The following CAND2 variants were observed in gnomAD, a reference collection of about 807,000 sequenced individuals.
The protein encoded by CAND2 is cullin-associated NEDD8-dissociated protein 2.
Under a neutral mutation model 98.9 loss-of-function variants are expected in CAND2, and 62 were observed. The observed-to-expected ratio is 0.63, with a 90% confidence interval of 0.51 to 0.77. The LOEUF is 0.77. Among genes scored for constraint, CAND2 ranks in the 30% least tolerant of loss-of-function variants. The probability of loss-of-function intolerance (pLI) is 0.00; values close to 1 mark genes in which losing one functional copy is unlikely to be tolerated. For missense variants in CAND2, 1,501 were observed against 1,655.2 expected (o/e 0.91, Z 1.62); for synonymous variants, 770 against 731.9 (o/e 1.05, Z -0.84).
rs945348474 is a variant in CAND2, at chr3:12,812,924, G to A, written c.758-66G>A. 7.3e-6 allele frequency: 7 copies of A among 961,660 alleles called. No individual in the cohort carries two copies. The African/African-American group carries it at 9.7e-5, about 13-fold the overall frequency. The allele number at this position is 961,660 out of a possible 1,614,324, so 59.6% of individuals were successfully genotyped here. On this transcript the variant is annotated intron_variant, in intron 5 of 14. Transcript: ENST00000456430. Reference sequence around the variant, plus strand: ...CTGCAGGTGCATAGACAGTCTGAGTGCTGTGGGCTGGGGGAACTCCGGGAG... The same window carrying A: ...CTGCAGGTGCATAGACAGTCTGAGTACTGTGGGCTGGGGGAACTCCGGGAG...
chr3:12,810,149 G>C lies in CAND2; in HGVS notation c.582G>C (p.Arg194=). Residue 194 remains arginine, a synonymous_variant, in exon 5 of 15, where the codon CGG becomes CGC. Coordinates refer to ENST00000456430, the MANE Select transcript of CAND2 (RefSeq NM_001162499.2). The stretch of plus-strand genomic sequence containing the variant: ...GCCCGCGCCTGGCGGTGCGCAAGCG[G>C]GCGGTCGGAGCGCTTGGCCACCTGG... ...LSSPRLAVRK[R]AVGALGHLAA... The C allele has an allele frequency of 6.6e-7, 1 of 1,524,634 alleles. No individual in the cohort carries two copies. The highest frequency in any genetic ancestry group is 1.2e-5 in the South Asian group (1 of 82,346). 94.4% of individuals were successfully genotyped at this position (1,524,634 alleles called of 1,614,324 possible).
intron 13 of CAND2, among the ~76,000 whole-genome samples, chr3:12,830,350 G>C (rs1314534796): frequency 6.6e-6 from 1 of 152,200 alleles, no homozygotes; most frequent in Non-Finnish European, 1.5e-5. Flanking sequence ...CCACCACAGG[G>C]TTCCGGGAGG....
At chr3:12,831,606 G>A (rs994634554) in intron 14 of CAND2, 34 bp downstream of exon 14, 1 of 1,501,700 alleles carries the variant, frequency 6.7e-7, no homozygotes, top group African/African-American at 1.4e-5. Flanking sequence ...CCCAGGCCCT[G>A]GAGCACCTAT....
chr3:12,816,466 G>A lies in CAND2; in HGVS notation c.1534G>A (p.Ala512Thr). Residue 512 changes from alanine (A) to threonine (T), a missense_variant, in exon 10 of 15, where the codon GCT becomes ACT. By Grantham distance (58) the Ala-to-Thr change is moderately conservative. Transcript: ENST00000456430. ...GCAGGGGCTGCTGGGCACCGAACCA[G>A]CTGAGGCCTTCCACCCACACTTGCC... ...FLQGLLGTEP[A>T]EAFHPHLPIL... The A allele has an allele frequency of 6.2e-7, 1 of 1,613,972 alleles. No homozygotes were observed. The highest frequency in any genetic ancestry group is 8.5e-7 in the Non-Finnish European group (1 of 1,179,976).
intron 11 of CAND2, among the ~76,000 whole-genome samples, chr3:12,823,065 C>A (rs2061969702): frequency 6.6e-6 from 1 of 152,094 alleles, no homozygotes. Context: ...AGTAAGAAAC[C>A]CAGCTCCCAT....
At chr3:12,801,255 C>G (rs897113910) in intron 1 of CAND2, among the ~76,000 whole-genome samples, 3 of 152,062 alleles carry the variant, frequency 2.0e-5, no homozygotes, top group Admixed American at 6.6e-5. Context: ...CCAGGCTGAT[C>G]TAGAACTTTT....
intron 12 of CAND2, among the ~76,000 whole-genome samples, 191 bp downstream of exon 12, chr3:12,825,830 C>T (rs1023088054): frequency 3.9e-5 from 6 of 152,218 alleles, no homozygotes; most frequent in African/African-American, 1.4e-4. Context: ...AGTTTCTCCT[C>T]GTGAGCACAT....
chr3:12,808,848 C>T (rs2061828137), intron 4 of CAND2, among the ~76,000 whole-genome samples: 1 of 152,102 alleles, frequency 6.6e-6, no homozygotes, highest in South Asian at 2.1e-4. Flanking sequence ...GTCCAGAAGG[C>T]AGAGACAGGG....
Position 12,827,575 on chromosome 3 carries a change from G to A in CAND2, c.3346G>A (p.Asp1116Asn), listed in dbSNP as rs1277434914. 2 of 1,613,322 alleles carry A rather than the reference G, an allele frequency of 1.2e-6. No homozygotes were observed. The highest frequency in any genetic ancestry group is 2.7e-5 in the African/African-American group (2 of 74,888). The change falls in exon 13 of 15, where the codon GAC becomes AAC. Residue 1116 changes from aspartate to asparagine, a missense_variant. This residue lies in a region of CAND2 where 1,427 missense variants were observed against 1,545.3 expected (regional missense o/e 0.92). Coordinates refer to ENST00000456430, the MANE Select transcript of CAND2 (RefSeq NM_001162499.2). ...DICEFLNHVE[D>N]GLKDHYDIRM... ...CTGTGAGTTCCTGAACCATGTGGAG[G>A]ACGGGCTGAAGGACCACTACGACAT... is the stretch of plus-strand genomic sequence containing the variant.
chr3:12,830,579 C>G (rs551540325), intron 13 of CAND2, among the ~76,000 whole-genome samples: 1 of 152,338 alleles, frequency 6.6e-6, no homozygotes, highest in South Asian at 2.1e-4. Flanking sequence ...CAGGACAGGG[C>G]CTAGGCACCA....
At position 12,808,215 on chromosome 3, in the gene CAND2, G is replaced by C. The variant is rs1041959577; in HGVS notation, c.373G>C (p.Gly125Arg). The change falls in exon 4 of 15, where the codon GGG becomes CGG. Residue 125 changes from glycine (G) to arginine (R), a missense_variant. Gly to Arg is a moderately radical substitution (Grantham distance 125). Around this residue, in one of 3 missense-constraint regions of CAND2, gnomAD observed 1,427 missense variants for 1,545.3 expected, o/e 0.92. Coordinates refer to ENST00000456430, the MANE Select transcript of CAND2 (RefSeq NM_001162499.2). ...SELPPAATGS[G>R]LATNVCRKIT... ...CCACCTTGTGCCCTGTGCAGGCTCC[G>C]GGCTGGCCACCAACGTGTGCCGGAA... 2 of 1,550,862 alleles carry C rather than the reference G, an allele frequency of 1.3e-6. No individual in the cohort carries two copies. Among genetic ancestry groups the C allele is most frequent in the African/African-American group, 1.4e-5 (1 of 73,040 alleles).
chr3:12,829,009 G>C lies in CAND2; in HGVS notation c.3375+1405G>C, dbSNP rs74456783. On this transcript the variant is annotated intron_variant, in intron 13 of 14. Transcript: ENST00000456430. ...TGGCTATTATGAGTAATGCGACTGT[G>C]AACCTAGGTGTTCCGATATCCTTTG... Among the ~76,000 whole-genome samples the C allele has an allele frequency of 4.4e-3, 676 of 152,286 alleles. 5 individuals carry two copies. The highest frequency in any genetic ancestry group is 0.015 in the African/African-American group (628 of 41,542).
chr3:12,823,457 G>A lies in CAND2; in HGVS notation c.3041-2013G>A, dbSNP rs145446768. On this transcript the variant is annotated intron_variant, in intron 11 of 14. Transcript: ENST00000456430. ...AATTAGCCAGGTGTAGGCTGGGCGC[G>A]GTGGCTCACGCCTGTAATCCCAGCA... is the stretch of plus-strand genomic sequence containing the variant. Among the ~76,000 whole-genome samples the A allele has an allele frequency of 9.2e-3, 1,397 of 152,072 alleles. 21 individuals are homozygous for A. The highest frequency in any genetic ancestry group is 0.029 in the African/African-American group (1,222 of 41,470).
In CAND2 at chr3:12,817,365, C is replaced by T. The variant is rs754307004; in HGVS notation, c.2433C>T (p.Leu811=). The T allele has an allele frequency of 2.5e-6, 4 of 1,613,740 alleles. No individual in the cohort carries two copies. Among genetic ancestry groups the T allele is most frequent in the African/African-American group, 1.3e-5 (1 of 74,960 alleles). The part of the protein sequence containing the change: ...FHSLARCVAA[L]SAACPQEAAS... ...CATTGGCCCGGTGTGTGGCAGCCCT[C>T]TCAGCTGCCTGTCCCCAAGAGGCGG... The change falls in exon 10 of 15, where the codon CTC becomes CTT. Residue 811 remains leucine (L), a synonymous_variant. Transcript: ENST00000456430.
chr3:12,811,114 C>T (rs568645003), intron 5 of CAND2, among the ~76,000 whole-genome samples: 6 of 147,102 alleles, frequency 4.1e-5, no homozygotes, highest in Admixed American at 1.3e-4. Flanking sequence ...TGCAGGCACA[C>T]GGCGGGGGGT....
In CAND2 at chr3:12,817,855, T is replaced by C; in HGVS notation, c.2923T>C (p.Leu975=). Residue 975 remains leucine (L), a synonymous_variant, in exon 10 of 15, where the codon TTG becomes CTG. Transcript: ENST00000456430. ...GAACCCTTCGTTCCTTCTGCCCCGCTTGCGGAAGCAGCTTGCTGCAGGTAG... is the reference window on the plus strand; with the variant it reads ...GAACCCTTCGTTCCTTCTGCCCCGCCTGCGGAAGCAGCTTGCTGCAGGTAG... ...LVNPSFLLPR[L]RKQLAAGRPH... 1 of 1,505,368 alleles carries C rather than the reference T, an allele frequency of 6.6e-7. No individual in the cohort carries two copies. Among genetic ancestry groups the C allele is most frequent in the Non-Finnish European group, 8.9e-7 (1 of 1,126,314 alleles). 93.3% of individuals were successfully genotyped at this position (1,505,368 alleles called of 1,614,324 possible).
rs781023349 is a variant in CAND2, at chr3:12,810,254, C to T, written c.687C>T (p.Thr229=). The change falls in exon 5 of 15, where the codon ACC becomes ACT. Residue 229 remains threonine (T), a synonymous_variant. Transcript: ENST00000456430. ...GGCTGCCCGGCCCGCGGGTGCCCAC[C>T]AGCCCGACTGCCATCCGCACCCTGA... ...LDRLPGPRVP[T]SPTAIRTLIQ... The T allele has an allele frequency of 2.1e-5, 32 of 1,518,002 alleles. No individual in the cohort carries two copies. In the East Asian group the frequency reaches 6.9e-4, roughly 33 times the overall value. 94.0% of individuals were successfully genotyped at this position (1,518,002 alleles called of 1,614,324 possible).
chr3:12,825,857 T>A (rs995020534), intron 12 of CAND2, among the ~76,000 whole-genome samples: 2 of 152,214 alleles, frequency 1.3e-5, no homozygotes, highest in Non-Finnish European at 2.9e-5. Context: ...GCTAATTGTG[T>A]CTGCGTCATA....
At chr3:12,797,394 C>A (rs2061734478) in intron 1 of CAND2, among the ~76,000 whole-genome samples, 1 of 151,878 alleles carries the variant, frequency 6.6e-6, no homozygotes, top group Non-Finnish European at 1.5e-5. Context: ...TCAGACCCAG[C>A]CTAAAGGAGG....
Sources: gnomAD v4.1 joint callset for allele counts (sites outside exome capture counted in the v4.1 genomes callset) on GRCh38, gnomAD v4.1.1 for gene constraint, gnomAD v4.1.1 regional missense constraint, MANE v1.5 for transcripts, NCBI Gene and HGNC (gene_info 2026-07-23, HGNC 2026-07-21) for gene names.